Variants in MAPK10 observed in about 807,000 individuals in gnomAD.
MAPK10 encodes mitogen-activated protein kinase 10.
In MAPK10, 25 loss-of-function variants were observed where a neutral mutation model predicts 59.3. The ratio of observed to expected loss-of-function variants is 0.42; its 90% CI spans 0.31 to 0.59. The LOEUF (loss-of-function observed/expected upper bound fraction) is 0.59, where lower values mean the gene tolerates loss of function less well. Among genes scored for constraint, MAPK10 ranks in the 20% least tolerant of loss-of-function variants. The pLI is 0.15. For missense variants in MAPK10, 351 were observed against 568.9 expected (o/e 0.62, Z 3.90); for synonymous variants, 190 against 200.5 (o/e 0.95, Z 0.44).
chr4:86,081,049 G>A (rs2050545468), intron 9 of MAPK10: 1 of 151,968 alleles, frequency 6.6e-6, no homozygotes, highest in South Asian at 2.1e-4. Context: ...TTAAGAAAGG[G>A]TGTTCATGGT....
rs1186702082 is a variant in MAPK10, at chr4:86,098,687, T to G, written c.731-92A>C. 4 of 1,110,692 alleles carry G rather than the reference T, an allele frequency of 3.6e-6. No individual in the cohort carries two copies. In the East Asian group the frequency reaches 7.1e-5, roughly 20 times the overall value. The allele number at this position is 1,110,692 out of a possible 1,614,324, so 68.8% of individuals were successfully genotyped here. ...TCTGAAGGAGGAGGAAAAAGAACAG[T>G]TTGATTAAAAGTACAATTTTCACCT... On this transcript the variant is annotated intron_variant, in intron 8 of 13. Transcript: ENST00000641462.
At chr4:86,216,808 AAAAC>A (rs1285134518) in intron 2 of MAPK10, among the ~76,000 whole-genome samples, 1 of 152,078 alleles carries the variant, frequency 6.6e-6, no homozygotes, top group Non-Finnish European at 1.5e-5. Context: ...CCAATCTTTT[AAAAC>A]AAATATAGTT....
intron 4 of MAPK10, among the ~76,000 whole-genome samples, chr4:86,108,571 T>C (rs2056934744): frequency 3.3e-5 from 5 of 152,204 alleles, no homozygotes; most frequent in Admixed American, 3.3e-4. Flanking sequence ...CATACTTTCA[T>C]TTAATACTCA....
upstream of MAPK10, among the ~76,000 whole-genome samples, chr4:86,362,332 AAATAT>A (rs1473492112): frequency 1.3e-5 from 2 of 152,036 alleles, no homozygotes; most frequent in African/African-American, 2.4e-5. Context: ...AACACTATTA[AAATAT>A]AATATAACTT....
At chr4:86,364,097 ATTG>A (rs66851270), upstream of MAPK10, among the ~76,000 whole-genome samples, 28 of 149,802 alleles carry the variant, frequency 1.9e-4, no homozygotes, top group East Asian at 4.0e-4. Flanking sequence ...GAAACTCTTT[ATTG>A]TTGTTGTTGT....
At chr4:86,499,533 G>T (rs1755142906) in intron 1 of MAPK10, among the ~76,000 whole-genome samples, 1 of 152,118 alleles carries the variant, frequency 6.6e-6, no homozygotes, top group South Asian at 2.1e-4. Context: ...TGTGTATATT[G>T]TTCAGTCAAT....
chr4:86,521,055 A>G (rs1757073619), intron 1 of MAPK10, among the ~76,000 whole-genome samples: 1 of 152,160 alleles, frequency 6.6e-6, no homozygotes, highest in South Asian at 2.1e-4. Flanking sequence ...CCTTTGTTGT[A>G]ATTTTGTTTA....
At position 86,548,382 on chromosome 4, in the gene MAPK10, C is replaced by T. The variant is rs140592764; in HGVS notation, c.-263+45528G>A. Among the ~76,000 whole-genome samples, 901 of 152,308 alleles carry T rather than the reference C, an allele frequency of 5.9e-3. 6 individuals are homozygous for T. Among genetic ancestry groups the T allele is most frequent in the African/African-American group, 0.019 (804 of 41,570 alleles). On this transcript the variant is annotated intron_variant, in intron 1 of 4. Coordinates refer to the MAPK10 transcript ENST00000502302. Reference sequence around the variant, plus strand: ...CCTTTAAGAACTGTAACACTCACCACGAGGGTCCACAGCTTCATTCCTGAA... The same window carrying T: ...CCTTTAAGAACTGTAACACTCACCATGAGGGTCCACAGCTTCATTCCTGAA...
chr4:86,304,006 T>C (rs2095516918), intron 2 of MAPK10, among the ~76,000 whole-genome samples: 1 of 152,226 alleles, frequency 6.6e-6, no homozygotes, highest in African/African-American at 2.4e-5. Context: ...GTGGTCTCTT[T>C]AGTCCATTTC....
At chr4:86,468,046 C>A (rs771013410) in intron 1 of MAPK10, among the ~76,000 whole-genome samples, 1 of 152,190 alleles carries the variant, frequency 6.6e-6, no homozygotes, top group African/African-American at 2.4e-5. Context: ...TGCTTGCTAA[C>A]CAGAAACTTT....
intron 1 of MAPK10, among the ~76,000 whole-genome samples, chr4:86,474,955 A>G (rs1405900642): frequency 6.6e-6 from 1 of 152,160 alleles, no homozygotes; most frequent in Non-Finnish European, 1.5e-5. Flanking sequence ...TTAAATGATG[A>G]CATTACCTTG....
chr4:86,582,762 CT>C (rs1274994893), intron 1 of MAPK10, among the ~76,000 whole-genome samples: 8 of 152,192 alleles, frequency 5.3e-5, no homozygotes, highest in East Asian at 3.9e-4. Flanking sequence ...TCTATAGTAG[CT>C]GAGAAAACAA....
upstream of MAPK10, among the ~76,000 whole-genome samples, chr4:86,362,008 C>T (rs971041123): frequency 6.6e-6 from 1 of 151,898 alleles, no homozygotes; most frequent in African/African-American, 2.4e-5. Flanking sequence ...ATAATGTTGC[C>T]TATTTCAAAA....
At chr4:86,582,961 AT>A (rs139965657) in intron 1 of MAPK10, among the ~76,000 whole-genome samples, 7,090 of 152,172 alleles carry the variant, frequency 0.047, 223 homozygotes, top group African/African-American at 0.061. Context: ...ATCATTTAAA[AT>A]TTTTTGTTAA....
intron 1 of MAPK10, among the ~76,000 whole-genome samples, chr4:86,500,275 A>C (rs1755207893): frequency 6.6e-6 from 1 of 152,218 alleles, no homozygotes; most frequent in Non-Finnish European, 1.5e-5. Context: ...TGGGAGAAGC[A>C]GATCAGCTTA....
At chr4:86,414,189 TCCTAACAA>T (rs1745564860) in intron 1 of MAPK10, among the ~76,000 whole-genome samples, 2 of 152,276 alleles carry the variant, frequency 1.3e-5, no homozygotes, top group South Asian at 4.1e-4. Context: ...ATCCATGATA[TCCTAACAA>T]CCATTCTACC....
At chr4:86,098,475 G>T in intron 9 of MAPK10, 49 bp downstream of exon 9, 1 of 1,609,892 alleles carries the variant, frequency 6.2e-7, no homozygotes, top group Non-Finnish European at 8.5e-7. Flanking sequence ...GTGTTTAAAA[G>T]GGAGAGAGAA....
At chr4:86,340,166 C>T (rs903157299) in intron 2 of MAPK10, among the ~76,000 whole-genome samples, 13 of 152,212 alleles carry the variant, frequency 8.5e-5, no homozygotes, top group African/African-American at 2.4e-4. Context: ...TTATCACAGC[C>T]ACCTTATGGG....
chr4:86,111,233 C>T (rs1436657489), intron 4 of MAPK10, among the ~76,000 whole-genome samples: 11 of 151,900 alleles, frequency 7.2e-5, no homozygotes, highest in African/African-American at 9.7e-5. Flanking sequence ...TTCTCTTGCC[C>T]GATGTTCTGG....
Sources: allele counts gnomAD v4.1 joint callset (sites outside exome capture counted in the v4.1 genomes callset), GRCh38; gene constraint gnomAD v4.1.1; transcripts MANE v1.5; gene names NCBI Gene and HGNC (gene_info 2026-07-23, HGNC 2026-07-21).